The following DTNA variants were observed in gnomAD, a reference collection of about 807,000 sequenced individuals.
The protein encoded by DTNA is dystrophin-related protein 3.
In DTNA, 43 loss-of-function variants were observed where a neutral mutation model predicts 100.7. The ratio of observed to expected loss-of-function variants is 0.43; its 90% CI spans 0.33 to 0.55. DTNA has a LOEUF of 0.55. DTNA is among the 20% of genes least tolerant of loss of function. DTNA has a pLI of 0.04. For synonymous variants in DTNA, 349 were observed against 347.9 expected (o/e 1.00, Z -0.04); for missense variants, 798 against 953.9 (o/e 0.84, Z 2.15).
intron 3 of DTNA, among the ~76,000 whole-genome samples, chr18:34,790,583 T>TC (rs1189775321): frequency 7.3e-6 from 1 of 137,854 alleles, no homozygotes; most frequent in East Asian, 2.0e-4. Flanking sequence ...TTTTTTTTTT[T>TC]TTTTTTGAGA....
chr18:34,539,210 G>A lies in DTNA; in HGVS notation c.-2+45696G>A, dbSNP rs1198924786. Among the ~76,000 whole-genome samples, 4 of 151,736 alleles carry A rather than the reference G, an allele frequency of 2.6e-5. No individual in the cohort carries two copies. The East Asian group carries it at 5.8e-4, about 22-fold the overall frequency. On this transcript the variant is annotated intron_variant, in intron 1 of 19. Coordinates refer to the DTNA transcript ENST00000283365. ...GTTTTCTTGGGAAAACTGTTTTAGA[G>A]GAAAGGTTCGTAGAATCAGTGAAAT...
intron 5 of DTNA, among the ~76,000 whole-genome samples, chr18:34,810,394 A>G (rs1275549511): frequency 1.3e-5 from 2 of 152,102 alleles, no homozygotes; most frequent in Non-Finnish European, 2.9e-5. Context: ...AACAGGGATG[A>G]GCCTGGAGGA....
intron 5 of DTNA, among the ~76,000 whole-genome samples, chr18:34,811,572 A>G (rs1209116411): frequency 6.6e-6 from 1 of 152,238 alleles, no homozygotes; most frequent in African/African-American, 2.4e-5. Context: ...CCAACTTTAT[A>G]GTAAAACTCT....
At chr18:34,559,412 C>A (rs1005985582) in intron 1 of DTNA, among the ~76,000 whole-genome samples, 1 of 152,100 alleles carries the variant, frequency 6.6e-6, no homozygotes, top group African/African-American at 2.4e-5. Context: ...ATGTGTGCAA[C>A]CTTTTTTATT....
intron 9 of DTNA, among the ~76,000 whole-genome samples, chr18:34,824,246 C>A (rs967935364): frequency 6.6e-6 from 1 of 152,072 alleles, no homozygotes; most frequent in Non-Finnish European, 1.5e-5. Context: ...GAGGCTGAGG[C>A]GGGCGGATCA....
At chr18:34,686,879 T>C (rs1310010696) in intron 1 of DTNA, among the ~76,000 whole-genome samples, 1 of 152,146 alleles carries the variant, frequency 6.6e-6, no homozygotes, top group Non-Finnish European at 1.5e-5. Context: ...CGGGAGGGTG[T>C]ATGTGTCCAA....
chr18:34,566,145 G>A (rs1286372283), intron 1 of DTNA, among the ~76,000 whole-genome samples: 2 of 152,164 alleles, frequency 1.3e-5, no homozygotes, highest in South Asian at 2.1e-4. Flanking sequence ...TGTGAGAAGC[G>A]AAAAGAGTAA....
intron 1 of DTNA, among the ~76,000 whole-genome samples, chr18:34,715,420 C>T (rs2083831925): frequency 6.6e-6 from 1 of 152,076 alleles, no homozygotes; most frequent in Admixed American, 6.5e-5. Flanking sequence ...CACTCTCAAA[C>T]ACACATGTTA....
intron 1 of DTNA, among the ~76,000 whole-genome samples, chr18:34,725,042 T>A (rs1044865044): frequency 6.6e-6 from 1 of 152,146 alleles, no homozygotes; most frequent in South Asian, 2.1e-4. Context: ...TGGCTAGTCA[T>A]ATGCAGAAAA....
chr18:34,769,750 TCACTC>T (rs2093672410), intron 3 of DTNA, among the ~76,000 whole-genome samples: 1 of 133,840 alleles, frequency 7.5e-6, no homozygotes, highest in Admixed American at 8.0e-5. Flanking sequence ...TGACAGAGTT[TCACTC>T]TTTTTTCCCA....
chr18:34,579,024 C>T (rs141924176), intron 1 of DTNA, among the ~76,000 whole-genome samples: 12 of 152,080 alleles, frequency 7.9e-5, no homozygotes, highest in Non-Finnish European at 1.8e-4. Flanking sequence ...CTTTTTATCT[C>T]TTCCATTGAT....
At chr18:34,813,196 C>T (rs1388678743) in intron 6 of DTNA, among the ~76,000 whole-genome samples, 1 of 152,180 alleles carries the variant, frequency 6.6e-6, no homozygotes, top group African/African-American at 2.4e-5. Context: ...TGCCTCTTGA[C>T]TGGGTGTGGT....
chr18:34,494,403 C>T (rs1157876463), intron 1 of DTNA, among the ~76,000 whole-genome samples: 1 of 152,026 alleles, frequency 6.6e-6, no homozygotes, highest in African/African-American at 2.4e-5. Flanking sequence ...GGGTGAGTGT[C>T]TTCGGCTTTT....
intron 1 of DTNA, among the ~76,000 whole-genome samples, chr18:34,516,525 G>A (rs1413506120): frequency 2.0e-5 from 3 of 152,016 alleles, no homozygotes; most frequent in African/African-American, 7.2e-5. Flanking sequence ...GGACTCTACA[G>A]GAGACCCGGG....
intron 1 of DTNA, among the ~76,000 whole-genome samples, chr18:34,669,275 C>T: frequency 6.6e-6 from 1 of 152,046 alleles, no homozygotes; most frequent in Non-Finnish European, 1.5e-5. Flanking sequence ...TTTCCATTTG[C>T]TTGGTAGATC....
intron 1 of DTNA, chr18:34,503,943 C>T (rs2040219917): frequency 1.3e-5 from 2 of 152,126 alleles, no homozygotes; most frequent in African/African-American, 2.4e-5. Flanking sequence ...TCACATCATT[C>T]TCCTGCTTCA....
intron 1 of DTNA, among the ~76,000 whole-genome samples, chr18:34,502,972 G>T (rs949141053): frequency 2.6e-5 from 4 of 152,124 alleles, no homozygotes; most frequent in African/African-American, 9.7e-5. Context: ...AGTTATAATT[G>T]TGAGTTTGTC....
intron 1 of DTNA, among the ~76,000 whole-genome samples, chr18:34,567,464 A>G (rs778310480): frequency 3.9e-5 from 6 of 152,208 alleles, no homozygotes; most frequent in Non-Finnish European, 7.3e-5. Flanking sequence ...GAAGTCATTT[A>G]AAATTTTGTT....
chr18:34,717,165 A>G (rs1022834643), intron 1 of DTNA, among the ~76,000 whole-genome samples: 1 of 152,218 alleles, frequency 6.6e-6, no homozygotes, highest in Non-Finnish European at 1.5e-5. Flanking sequence ...TTAGTCCAAT[A>G]TAGTAACTAC....
Sources: gnomAD v4.1 joint callset for allele counts (sites outside exome capture counted in the v4.1 genomes callset) on GRCh38, gnomAD v4.1.1 for gene constraint, MANE v1.5 for transcripts, NCBI Gene and HGNC (gene_info 2026-07-23, HGNC 2026-07-21) for gene names.